Variants in ERAP2 observed in about 807,000 individuals in gnomAD.
ERAP2 encodes the protein endoplasmic reticulum aminopeptidase 2, also known as leukocyte-derived arginine aminopeptidase.
Under a neutral mutation model 111.1 loss-of-function variants are expected in ERAP2, and 118 were observed. That is an observed-to-expected ratio of 1.06 (90% confidence interval 0.92 to 1.24). The LOEUF is 1.24. ERAP2 is among the 50% of genes most tolerant of loss of function. The pLI is 0.00. For missense variants in ERAP2, 1,131 were observed against 1,125.8 expected (o/e 1.00, Z -0.07); for synonymous variants, 410 against 401.2 (o/e 1.02, Z -0.26).
chr5:96,890,657 A>G (rs1054252201), intron 5 of ERAP2, among the ~76,000 whole-genome samples: 3 of 152,162 alleles, frequency 2.0e-5, no homozygotes, highest in South Asian at 2.1e-4. Flanking sequence ...CTCAACTCCA[A>G]TGCATTTTCC....
chr5:96,900,972 G>A (rs903810816), intron 10 of ERAP2, among the ~76,000 whole-genome samples: 3 of 152,124 alleles, frequency 2.0e-5, no homozygotes, highest in African/African-American at 4.8e-5. Context: ...GCCCTAAATT[G>A]TGTTTTCTAA....
At position 96,879,965 on chromosome 5, in the gene ERAP2, T is replaced by A. The variant is rs1342160174; in HGVS notation, c.280T>A (p.Ser94Thr). 1 of 1,614,202 alleles carries A rather than the reference T, an allele frequency of 6.2e-7. No individual in the cohort carries two copies. Among genetic ancestry groups the A allele is most frequent in the South Asian group, 1.1e-5 (1 of 91,084 alleles). Residue 94 changes from serine (S) to threonine (T), a missense_variant, in exon 2 of 19, where the codon TCT (serine) becomes ACT (threonine). Transcript: ENST00000437043. ...TCTCACCTCTCTGGACTTTGTTGCATCTGAGAAGATCGAAGTCTTGGTCAG... is the reference window on the plus strand; with the variant it reads ...TCTCACCTCTCTGGACTTTGTTGCAACTGAGAAGATCGAAGTCTTGGTCAG... ...PNLTSLDFVASEKIEVLVSNA... is the reference protein window; with the variant it reads ...PNLTSLDFVATEKIEVLVSNA...
At chr5:96,886,900 A>G in intron 4 of ERAP2, 111 bp downstream of exon 4, 3 of 1,030,644 alleles carry the variant, frequency 2.9e-6, no homozygotes, top group Non-Finnish European at 3.9e-6. Context: ...TTATATTACA[A>G]GAAGAGATAG....
chr5:96,892,945 G>A (rs1177458713), intron 6 of ERAP2, among the ~76,000 whole-genome samples: 1 of 152,134 alleles, frequency 6.6e-6, no homozygotes. Context: ...ACTCTCTGAA[G>A]TTCAGTGTCC....
At chr5:96,891,159 A>G (rs17087136) in intron 5 of ERAP2, among the ~76,000 whole-genome samples, 3,578 of 152,246 alleles carry the variant, frequency 0.024, 67 homozygotes, top group Middle Eastern at 0.092. Flanking sequence ...AACTCCAGAC[A>G]ATGTAATTAT....
intron 4 of ERAP2, among the ~76,000 whole-genome samples, chr5:96,887,484 GA>G (rs1378318412): frequency 2.0e-5 from 3 of 152,012 alleles, no homozygotes; most frequent in Non-Finnish European, 4.4e-5. Flanking sequence ...TATATTTGTA[GA>G]GATGGGGTTT....
At chr5:96,890,636 C>T (rs1371789286) in intron 5 of ERAP2, among the ~76,000 whole-genome samples, 3 of 152,034 alleles carry the variant, frequency 2.0e-5, no homozygotes, top group African/African-American at 7.2e-5. Context: ...TGTCCTTTTT[C>T]GCCTCTTGCC....
chr5:96,903,783 T>C (rs956995068), intron 13 of ERAP2, among the ~76,000 whole-genome samples: 4 of 152,170 alleles, frequency 2.6e-5, no homozygotes, highest in African/African-American at 9.7e-5. Context: ...GAACTTTACC[T>C]AAAAATCCTG....
At chr5:96,893,887 C>T (rs2151154945) in intron 6 of ERAP2, among the ~76,000 whole-genome samples, 1 of 152,290 alleles carries the variant, frequency 6.6e-6, no homozygotes, top group East Asian at 1.9e-4. Flanking sequence ...GATTACCTGC[C>T]ATTTTCTGAA....
chr5:96,895,187 C>T (rs1784752584), intron 6 of ERAP2, 59 bp from the exon 7 acceptor site: 4 of 974,558 alleles, frequency 4.1e-6, no homozygotes, highest in East Asian at 2.8e-5. Context: ...GTATTTTTTG[C>T]TAAAGTTAAT....
At chr5:96,891,387 G>GTA (rs2151146318) in intron 5 of ERAP2, among the ~76,000 whole-genome samples, 1 of 147,142 alleles carries the variant, frequency 6.8e-6, no homozygotes, top group East Asian at 2.0e-4. Context: ...ATATATATAT[G>GTA]TGTATACATA....
At chr5:96,914,787 A>G (rs1307292746) in intron 17 of ERAP2, among the ~76,000 whole-genome samples, 1 of 152,186 alleles carries the variant, frequency 6.6e-6, no homozygotes, top group Non-Finnish European at 1.5e-5. Flanking sequence ...CCCACTAAAC[A>G]CAATGTTTAA....
At chr5:96,914,287 C>G (rs1458153219) in intron 17 of ERAP2, among the ~76,000 whole-genome samples, 1 of 152,136 alleles carries the variant, frequency 6.6e-6, no homozygotes, top group Non-Finnish European at 1.5e-5. Context: ...ATGTCAGGGT[C>G]AGTTAGCATC....
intron 18 of ERAP2, 71 bp downstream of exon 18, chr5:96,915,840 T>C (rs1203205663): frequency 2.3e-6 from 3 of 1,299,826 alleles, no homozygotes; most frequent in East Asian, 2.4e-5. Context: ...TAAACTTAGA[T>C]ATAATCTGAT....
Position 96,901,517 on chromosome 5 carries a change from G to T in ERAP2, c.1584G>T (p.Leu528=). 5 of 1,613,222 alleles carry T rather than the reference G, an allele frequency of 3.1e-6. No individual in the cohort carries two copies. The highest frequency in any genetic ancestry group is 4.2e-6 in the Non-Finnish European group (5 of 1,179,448). ...PKMTSNMLAF[L]GENAEVKEMM... ...ACCTGTCATTTCAGCTCGCCTTTCT[G>T]GGGGAAAATGCAGAGGTCAAAGAGA... is the stretch of plus-strand genomic sequence containing the variant. The change falls in exon 11 of 19, where the codon CTG becomes CTT. Residue 528 remains leucine (L), a synonymous_variant. Transcript: ENST00000437043.
chr5:96,894,210 C>G, intron 6 of ERAP2, among the ~76,000 whole-genome samples: 1 of 152,326 alleles, frequency 6.6e-6, no homozygotes, highest in Middle Eastern at 3.4e-3. Context: ...AATGAATAAA[C>G]TAGTCTTGCT....
intron 15 of ERAP2, among the ~76,000 whole-genome samples, chr5:96,911,129 A>G (rs1786687586): frequency 6.6e-6 from 1 of 152,236 alleles, no homozygotes; most frequent in Admixed American, 6.5e-5. Flanking sequence ...CAAATGGCAA[A>G]TTATGTCATC....
intron 7 of ERAP2, 40 bp from the exon 8 acceptor site, chr5:96,896,333 C>A: frequency 6.5e-7 from 1 of 1,537,794 alleles, no homozygotes; most frequent in South Asian, 1.1e-5. Context: ...TTTACAGTGT[C>A]AAATAGAAAC....
chr5:96,913,158 T>C lies in ERAP2; in HGVS notation c.2517-159T>C, dbSNP rs187462120. ...TGATAGGAACAAAATAAAAATTATT[T>C]CTAAAAAAGTAAAAGTTTAATTGAA... is the stretch of plus-strand genomic sequence containing the variant. On this transcript the variant is annotated intron_variant, in intron 16 of 18. Transcript: ENST00000437043. Among the ~76,000 whole-genome samples the C allele has an allele frequency of 3.3e-4, 51 of 152,332 alleles. 1 individual carries two copies. The East Asian group carries it at 9.2e-3, about 28-fold the overall frequency.
Sources: allele counts gnomAD v4.1 joint callset (sites outside exome capture counted in the v4.1 genomes callset), GRCh38; gene constraint gnomAD v4.1.1; transcripts MANE v1.5; gene names NCBI Gene and HGNC (gene_info 2026-07-23, HGNC 2026-07-21).